The following GALC variants were observed in gnomAD, a reference collection of about 807,000 sequenced individuals.
GALC encodes galactosylceramidase, also known as galactocerebrosidase.
GALC carries 77 observed loss-of-function variants against 91.8 expected under a neutral mutation model. The observed-to-expected ratio is 0.84, with a 90% CI of 0.70 to 1.01. The LOEUF (loss-of-function observed/expected upper bound fraction) is 1.01. Ranked by LOEUF, GALC falls within the 50% of genes least tolerant of loss-of-function variation. GALC has a pLI of 0.00. For synonymous variants in GALC, 357 were observed against 306.7 expected, an observed-to-expected ratio of 1.16 and a Z score of -1.71; for missense variants, 882 against 855.9, an observed-to-expected ratio of 1.03 and a Z score of -0.38.
At chr14:87,953,030 T>C (rs2236362) in intron 10 of GALC, 451,589 of 1,259,606 alleles carry the variant, frequency 0.36, 86,284 homozygotes, top group East Asian at 0.61. Context: ...ATTTGGTTTG[T>C]AGTACTAAAC....
At chr14:87,961,622 C>T (rs1018796357) in intron 10 of GALC, among the ~76,000 whole-genome samples, 1 of 152,184 alleles carries the variant, frequency 6.6e-6, no homozygotes, top group Non-Finnish European at 1.5e-5. Flanking sequence ...GAAGTTTACT[C>T]TCTGACCTTC....
intron 14 of GALC, among the ~76,000 whole-genome samples, chr14:87,944,624 G>A (rs771344668): frequency 1.3e-5 from 2 of 152,012 alleles, no homozygotes; most frequent in African/African-American, 4.8e-5. Flanking sequence ...TCTTCATAGT[G>A]TTATAAGGGT....
At position 87,976,385 on chromosome 14, in the gene GALC, T is replaced by A; in HGVS notation, c.725A>T (p.Glu242Val). The change falls in exon 7 of 17, where the codon GAA becomes GTA. Residue 242 changes from glutamate to valine, a missense_variant. Glu to Val is a moderately radical substitution (Grantham distance 121). Coordinates refer to ENST00000261304, the MANE Select transcript of GALC (RefSeq NM_000153.4). ...SISASMLLDA[E>V]LFKVVDVIGA... ...TATAACATCAACCACCTTGAAGAGT[T>A]CGGCATCAAGGAGCATGGATGCAGA... 1 of 1,614,070 alleles carries A rather than the reference T, an allele frequency of 6.2e-7. No individual in the cohort carries two copies. Among genetic ancestry groups the A allele is most frequent in the African/African-American group, 1.3e-5 (1 of 75,050 alleles).
chr14:87,934,914 T>A (rs1301002822), intron 16 of GALC, 36 bp from the exon 17 acceptor site: 3 of 1,484,692 alleles, frequency 2.0e-6, no homozygotes, highest in African/African-American at 1.4e-5. Flanking sequence ...TGAAACCATA[T>A]GAAAATGGTC....
At chr14:87,991,390 G>A (rs1887194339) in intron 1 of GALC, among the ~76,000 whole-genome samples, 2 of 152,184 alleles carry the variant, frequency 1.3e-5, no homozygotes, top group African/African-American at 4.8e-5. Flanking sequence ...TTTTAGTAGA[G>A]ACGGGGTTTC....
rs1183344814 is a variant in GALC at position 87,977,158 on chromosome 14, AT to A, written c.622-671del. Among the ~76,000 whole-genome samples the A allele has an allele frequency of 3.3e-5, 5 of 152,216 alleles. No homozygotes were observed. In the South Asian group the frequency reaches 1.0e-3, roughly 32 times the overall value. ...CAATAATCAAATGGGTAACATACTA[AT>A]CATACCATTTGGCAAAATGCTTTAA... On this transcript the variant is annotated intron_variant, in intron 6 of 16. Coordinates refer to ENST00000261304, the MANE Select transcript of GALC (RefSeq NM_000153.4).
At chr14:87,981,590 A>T (rs1481202324) in intron 6 of GALC, 1 of 155,178 alleles carries the variant, frequency 6.4e-6, no homozygotes, top group East Asian at 1.9e-4. Flanking sequence ...GCTCCACCTG[A>T]AAAGTGAAAC....
At chr14:87,993,656 T>A, upstream of GALC, 1 of 610,754 alleles carries the variant, frequency 1.6e-6, no homozygotes, top group Non-Finnish European at 2.9e-6. Flanking sequence ...AGAGAAAAGT[T>A]AATAAGCACT....
At chr14:87,973,667 A>G (rs1886383892) in intron 7 of GALC, among the ~76,000 whole-genome samples, 1 of 152,212 alleles carries the variant, frequency 6.6e-6, no homozygotes, top group Non-Finnish European at 1.5e-5. Flanking sequence ...CCAACAGACA[A>G]TAACTAAACG....
At chr14:87,940,792 C>T (rs1022118169) in intron 15 of GALC, among the ~76,000 whole-genome samples, 1 of 151,766 alleles carries the variant, frequency 6.6e-6, no homozygotes, top group African/African-American at 2.4e-5. Context: ...AAGTCACTAC[C>T]AGTAAGGTCT....
In GALC at chr14:87,974,040, A is replaced by G. The variant is rs377262660; in HGVS notation, c.752+2318T>C. Among the ~76,000 whole-genome samples, 33 of 152,346 alleles carry G rather than the reference A, an allele frequency of 2.2e-4. 1 individual carries two copies. The East Asian group carries it at 2.3e-3, about 11-fold the overall frequency. ...CAAATCACATAGCAGAATAGCTTGT[A>G]TTAGTACATGGATAGTATAAATCAT... On this transcript the variant is annotated intron_variant, in intron 7 of 16. Coordinates refer to ENST00000261304, the MANE Select transcript of GALC (RefSeq NM_000153.4).
At chr14:87,952,493 C>T (rs1256217406) in intron 10 of GALC, 6 of 616,722 alleles carry the variant, frequency 9.7e-6, no homozygotes, top group Non-Finnish European at 1.5e-5. Flanking sequence ...ACAACCCTGC[C>T]TAATATCCTG....
chr14:87,982,347 G>C, intron 5 of GALC, 104 bp from the exon 6 acceptor site: 1 of 764,264 alleles, frequency 1.3e-6, no homozygotes, highest in Non-Finnish European at 2.3e-6. Context: ...CATATTATCT[G>C]ATACGCCATT....
rs139099927 is a variant in GALC, at chr14:87,958,467, T to A, written c.1161+4917A>T. ...AATCTGTATCAAAATGCCAAGGACA[T>A]TCTTCACATAAATAGAAAACACAAC... On this transcript the variant is annotated intron_variant, in intron 10 of 16. Transcript: ENST00000261304. Among the ~76,000 whole-genome samples, 79 of 152,276 alleles carry A rather than the reference T, an allele frequency of 5.2e-4. No individual in the cohort carries two copies. In the East Asian group the frequency reaches 0.014, roughly 27 times the overall value.
chr14:87,992,583 C>G, intron 1 of GALC: 1 of 1,466,138 alleles, frequency 6.8e-7, no homozygotes, highest in Admixed American at 2.5e-5. Flanking sequence ...CGCTCCCGCA[C>G]TCCCTGGCCC....
In GALC at chr14:87,945,686, C is replaced by T. The variant is rs751786254; in HGVS notation, c.1537G>A (p.Val513Ile). Reference sequence around the variant, plus strand: ...TCAATATTTGTAAAATATTCAAATACACCAGTTTGATCAGCAAAGTTTGGA... The same window carrying T: ...TCAATATTTGTAAAATATTCAAATATACCAGTTTGATCAGCAAAGTTTGGA... ...EAPNFADQTGVFEYFTNIEDP... is the reference protein window; with the variant it reads ...EAPNFADQTGIFEYFTNIEDP... The change falls in exon 14 of 17, where the codon GTA becomes ATA. Residue 513 changes from valine to isoleucine, a missense_variant. Transcript: ENST00000261304. 1.2e-6 allele frequency: 2 copies of T among 1,612,028 alleles called. No individual in the cohort carries two copies. The highest frequency in any genetic ancestry group is 2.2e-5 in the East Asian group (1 of 44,840).
rs1243230825 is a variant in GALC at position 87,953,301 on chromosome 14, A to G, written c.1162-2553T>C. 6.0e-5 allele frequency: 89 copies of G among 1,480,962 alleles called. 1 individual carries two copies. The highest frequency in any genetic ancestry group is 5.3e-5 in the Non-Finnish European group (56 of 1,064,194). The allele number at this position is 1,480,962 out of a possible 1,614,324, so 91.7% of individuals were successfully genotyped here. ...GGAGTCCTATAAATAAAGGGAATGT[A>G]AACATGGAGACTGAACCAAAGGCAA... On this transcript the variant is annotated intron_variant, in intron 10 of 16. Coordinates refer to ENST00000261304, the MANE Select transcript of GALC (RefSeq NM_000153.4).
chr14:87,953,210 C>G, intron 10 of GALC: 13 of 1,497,698 alleles, frequency 8.7e-6, no homozygotes, highest in African/African-American at 1.4e-5. Flanking sequence ...TCAACTGATA[C>G]GGAATTTCTC....
intron 16 of GALC, 71 bp from the exon 17 acceptor site, chr14:87,934,949 G>T: frequency 9.0e-7 from 1 of 1,110,610 alleles, no homozygotes; most frequent in Non-Finnish European, 1.4e-6. Context: ...TCTTGATCAT[G>T]TATGGCCCAC....
Sources: allele counts gnomAD v4.1 joint callset (sites outside exome capture counted in the v4.1 genomes callset), GRCh38; gene constraint gnomAD v4.1.1; transcripts MANE v1.5; gene names NCBI Gene and HGNC (gene_info 2026-07-23, HGNC 2026-07-21).